Variants in TCOF1 observed in about 807,000 individuals in gnomAD.
The protein encoded by TCOF1 is treacle protein.
In TCOF1, 33 loss-of-function variants were observed where a neutral mutation model predicts 149.0. That is an observed-to-expected ratio of 0.22 (90% CI 0.17 to 0.30). TCOF1 has a LOEUF of 0.30. TCOF1 is among the 10% of genes least tolerant of loss of function. TCOF1 has a pLI of 1.00. For synonymous variants in TCOF1, 789 were observed against 738.8 expected (o/e 1.07, Z -1.10); for missense variants, 1,728 against 1,840.7 (o/e 0.94, Z 1.12).
intron 5 of TCOF1, among the ~76,000 whole-genome samples, chr5:150,369,211 A>G (rs1322156317): frequency 6.6e-6 from 1 of 152,156 alleles, no homozygotes; most frequent in Non-Finnish European, 1.5e-5. Context: ...TCTGTTTCCT[A>G]TGTAGAGTAG....
intron 17 of TCOF1, among the ~76,000 whole-genome samples, chr5:150,381,324 T>C (rs895472290): frequency 1.3e-5 from 2 of 152,006 alleles, no homozygotes; most frequent in Non-Finnish European, 2.9e-5. Context: ...TTACTGGGGG[T>C]GAAAGACATT....
At chr5:150,373,901 T>G (rs1294476596) in intron 7 of TCOF1, among the ~76,000 whole-genome samples, 1 of 152,046 alleles carries the variant, frequency 6.6e-6, no homozygotes, top group East Asian at 1.9e-4. Flanking sequence ...GTTAAGGAAG[T>G]GGTGTCTCTT....
At chr5:150,391,024 A>C (rs1340974323) in intron 19 of TCOF1, among the ~76,000 whole-genome samples, 1 of 152,240 alleles carries the variant, frequency 6.6e-6, no homozygotes, top group Non-Finnish European at 1.5e-5. Context: ...AAAAGCAGCC[A>C]GTCACAGGAT....
In TCOF1 at chr5:150,375,339, G is replaced by C; in HGVS notation, c.1489G>C (p.Val497Leu). The C allele has an allele frequency of 6.2e-7, 1 of 1,611,268 alleles. No individual in the cohort carries two copies. The highest frequency in any genetic ancestry group is 1.3e-5 in the African/African-American group (1 of 74,990). ...EALAAMNAAQ[V>L]KPLGKSPQVK... ...TAATCTTGTCCTTTGTGTCTCCCAGGTGAAGCCCTTGGGGAAAAGCCCCCA... is the reference window on the plus strand; with the variant it reads ...TAATCTTGTCCTTTGTGTCTCCCAGCTGAAGCCCTTGGGGAAAAGCCCCCA... Residue 497 changes from valine to leucine, a missense_variant and splice_region_variant, in exon 11 of 27, where the codon GTG becomes CTG. Transcript: ENST00000643257.
intron 17 of TCOF1, among the ~76,000 whole-genome samples, chr5:150,381,019 TA>T (rs200253187): frequency 6.6e-6 from 1 of 150,998 alleles, no homozygotes; most frequent in African/African-American, 2.4e-5. Context: ...GTCACAAAAA[TA>T]AAAAAAAGAG....
chr5:150,376,329 A>G lies in TCOF1; in HGVS notation c.2141A>G (p.Gln714Arg). The G allele has an allele frequency of 6.2e-7, 1 of 1,614,174 alleles. No individual in the cohort carries two copies. Among genetic ancestry groups the G allele is most frequent in the Non-Finnish European group, 8.5e-7 (1 of 1,180,000 alleles). The stretch of plus-strand genomic sequence containing the variant: ...ACAGGTCTTGCAGTAACCGTGGGAC[A>G]GGTGAGGCCTGTGTTTTCTGGGCGG... ...EKTGLAVTVG[Q>R]AKSVGKGLQV... The change falls in exon 13 of 27, where the codon CAG (glutamine) becomes CGG (arginine). Residue 714 changes from glutamine to arginine, a missense_variant and splice_region_variant. Physicochemically the swap from Gln to Arg is conservative, Grantham distance 43 (BLOSUM62 1). Around this residue, in one of 2 missense-constraint regions of TCOF1, gnomAD observed 1,696 missense variants for 1,765.4 expected, o/e 0.96. Transcript: ENST00000643257.
intron 19 of TCOF1, 58 bp from the exon 20 acceptor site, chr5:150,391,486 G>C: frequency 6.9e-7 from 1 of 1,451,496 alleles, no homozygotes; most frequent in Non-Finnish European, 9.7e-7. Flanking sequence ...ACCAGGGTGT[G>C]GCACAGCTGG....
At position 150,393,269 on chromosome 5, in the gene TCOF1, C is replaced by CT. The variant is rs1767797333; in HGVS notation, c.3604-102dup. Reference sequence around the variant, plus strand: ...TCTGCACTGATAGGGCAGGGTGATCCTAGAGGCCCCAGGCTGCTTTCCTCA... The same window carrying CT: ...TCTGCACTGATAGGGCAGGGTGATCCTTAGAGGCCCCAGGCTGCTTTCCTCA... On this transcript the variant is annotated intron_variant, in intron 22 of 26. Coordinates refer to ENST00000643257, the MANE Select transcript of TCOF1 (RefSeq NM_001371623.1). The CT allele has an allele frequency of 2.8e-6, 4 of 1,443,520 alleles. No individual in the cohort carries two copies. In the Admixed American group the frequency reaches 7.0e-5, roughly 25 times the overall value. 89.4% of individuals were successfully genotyped at this position (1,443,520 alleles called of 1,614,324 possible).
Position 150,372,173 on chromosome 5 carries a change from G to T in TCOF1, c.807G>T (p.Glu269Asp). The T allele has an allele frequency of 1.2e-6, 2 of 1,614,176 alleles. No homozygotes were observed. Among genetic ancestry groups the T allele is most frequent in the Non-Finnish European group, 1.7e-6 (2 of 1,180,004 alleles). The change falls in exon 7 of 27, where the codon GAG (glutamate) becomes GAT (aspartate). Residue 269 changes from glutamate to aspartate, a missense_variant. Glu to Asp is a conservative substitution (Grantham distance 45). Around this residue, in one of 2 missense-constraint regions of TCOF1, gnomAD observed 1,696 missense variants for 1,765.4 expected, o/e 0.96. Transcript: ENST00000643257. ...AGAGGGCCAAGAAGCCAGAAGAGGA[G>T]TCAGAGAGTAGTGAGGAGGGATCTG... ...PAKRAKKPEE[E>D]SESSEEGSES...
chr5:150,368,937 A>G, intron 5 of TCOF1, 35 bp downstream of exon 5: 1 of 1,612,312 alleles, frequency 6.2e-7, no homozygotes, highest in East Asian at 2.2e-5. Context: ...CCTAGTCCCC[A>G]GAACTTGGGC....
At chr5:150,368,564 C>A in intron 4 of TCOF1, 152 bp from the exon 5 acceptor site, 1 of 833,484 alleles carries the variant, frequency 1.2e-6, no homozygotes, top group Non-Finnish European at 2.0e-6. Flanking sequence ...CTGTTTTTAA[C>A]CTCACTTTAA....
intron 2 of TCOF1, among the ~76,000 whole-genome samples, chr5:150,362,998 C>T (rs958197120): frequency 1.3e-5 from 2 of 152,206 alleles, no homozygotes; most frequent in Non-Finnish European, 2.9e-5. Flanking sequence ...CTCCCTGAGT[C>T]TGTCTTCACC....
At chr5:150,367,189 C>T (rs1301663597) in intron 3 of TCOF1, among the ~76,000 whole-genome samples, 1 of 152,062 alleles carries the variant, frequency 6.6e-6, no homozygotes, top group Non-Finnish European at 1.5e-5. Flanking sequence ...TCTGTAGTCC[C>T]AGCTACTCAG....
At chr5:150,364,598 C>G (rs1393678874) in intron 3 of TCOF1, among the ~76,000 whole-genome samples, 1 of 152,204 alleles carries the variant, frequency 6.6e-6, no homozygotes, top group East Asian at 1.9e-4. Context: ...TTTCAGAAAG[C>G]AGCTAGCGGA....
At chr5:150,390,848 A>G (rs1767278651) in intron 19 of TCOF1, among the ~76,000 whole-genome samples, 1 of 152,196 alleles carries the variant, frequency 6.6e-6, no homozygotes, top group Non-Finnish European at 1.5e-5. Context: ...GGGACAAGGA[A>G]TTCCCAGGCC....
intron 24 of TCOF1, 140 bp downstream of exon 24, chr5:150,396,982 A>G: frequency 9.9e-7 from 1 of 1,013,182 alleles, no homozygotes; most frequent in East Asian, 2.6e-5. Flanking sequence ...ACATGGCAAA[A>G]CCCCGTCTCT....
intron 22 of TCOF1, 177 bp downstream of exon 22, chr5:150,392,967 G>C: frequency 1.3e-6 from 1 of 753,682 alleles, no homozygotes. Context: ...CCACAGCCAG[G>C]CTGCCTCCGT....
intron 26 of TCOF1, 94 bp downstream of exon 26, chr5:150,399,164 G>C: frequency 1.3e-6 from 2 of 1,556,508 alleles, no homozygotes; most frequent in South Asian, 2.2e-5. Context: ...TGATAGGTGG[G>C]CTCTAAGGGG....
intron 22 of TCOF1, 124 bp downstream of exon 22, chr5:150,392,914 A>G: frequency 8.2e-7 from 1 of 1,216,460 alleles, no homozygotes; most frequent in Non-Finnish European, 1.2e-6. Context: ...GGCCTTGGGC[A>G]AGGTCCTGTC....
Sources: gnomAD v4.1 joint callset for allele counts (sites outside exome capture counted in the v4.1 genomes callset) on GRCh38, gnomAD v4.1.1 for gene constraint, gnomAD v4.1.1 regional missense constraint, MANE v1.5 for transcripts, NCBI Gene and HGNC (gene_info 2026-07-23, HGNC 2026-07-21) for gene names.